The following CEP128 variants were observed in gnomAD, a reference collection of about 807,000 sequenced individuals.
CEP128 encodes centrosomal protein 128kDa.
In CEP128, 132 loss-of-function variants were observed where a neutral mutation model predicts 156.7. The observed-to-expected ratio is 0.84, with a 90% CI of 0.73 to 0.97. The LOEUF (loss-of-function observed/expected upper bound fraction) is 0.97. CEP128 is among the 50% of genes least tolerant of loss of function. CEP128 has a pLI of 0.00. For synonymous variants in CEP128, 469 were observed against 448.9 expected, an observed-to-expected ratio of 1.04 and a Z score of -0.57; for missense variants, 1,252 against 1,281.9, an observed-to-expected ratio of 0.98 and a Z score of 0.36.
intron 19 of CEP128, among the ~76,000 whole-genome samples, chr14:80,585,021 A>C (rs1891757950): frequency 6.6e-6 from 1 of 152,214 alleles, no homozygotes; most frequent in Non-Finnish European, 1.5e-5. Context: ...GCTTCCATCA[A>C]CATTAGTTAA....
At chr14:80,784,826 C>G in intron 15 of CEP128, 69 bp downstream of exon 15, 1 of 1,280,588 alleles carries the variant, frequency 7.8e-7, no homozygotes, top group South Asian at 1.4e-5. Context: ...TAAAAGTTTA[C>G]GCTTTATTAA....
chr14:80,529,696 GTTGT>G, intron 22 of CEP128, among the ~76,000 whole-genome samples: 1 of 152,276 alleles, frequency 6.6e-6, no homozygotes, highest in African/African-American at 2.4e-5. Flanking sequence ...ATCACACTGG[GTTGT>G]TTAAGAGTAA....
chr14:80,786,214 G>C (rs1901398161), intron 14 of CEP128, among the ~76,000 whole-genome samples: 1 of 152,116 alleles, frequency 6.6e-6, no homozygotes, highest in African/African-American at 2.4e-5. Context: ...TACATGGAAG[G>C]ACAGAGGCCA....
chr14:80,479,091 G>A (rs371413180), intron 14 of CEP128, among the ~76,000 whole-genome samples: 125 of 152,290 alleles, frequency 8.2e-4, no homozygotes, highest in African/African-American at 2.9e-3. Context: ...CTCTTTTAAG[G>A]CAGATGCAAT....
At chr14:80,877,973 C>T (rs1338690178) in intron 8 of CEP128, among the ~76,000 whole-genome samples, 5 of 152,076 alleles carry the variant, frequency 3.3e-5, no homozygotes, top group Admixed American at 2.0e-4. Context: ...TACCTCAGAC[C>T]TCCTACATAC....
chr14:80,885,137 T>C (rs1888735275), intron 8 of CEP128, among the ~76,000 whole-genome samples: 1 of 152,158 alleles, frequency 6.6e-6, no homozygotes. Context: ...CAGCGGCTTA[T>C]AGATAAAACT....
intron 19 of CEP128, among the ~76,000 whole-genome samples, chr14:80,644,623 C>G (rs577767013): frequency 6.6e-6 from 1 of 152,270 alleles, no homozygotes; most frequent in African/African-American, 2.4e-5. Flanking sequence ...TAATAACCAT[C>G]ATTAATATTA....
rs75581223 is a variant in CEP128, at chr14:80,883,701, A to C, written c.645+12017T>G. Among the ~76,000 whole-genome samples, 793 of 152,262 alleles carry C rather than the reference A, an allele frequency of 5.2e-3. 11 individuals are homozygous for C. The highest frequency in any genetic ancestry group is 0.018 in the African/African-American group (767 of 41,544). On this transcript the variant is annotated intron_variant, in intron 8 of 24. Transcript: ENST00000555265. ...CTACAGATTCAATGCAATACCAATG[A>C]CATTCTTCACTGAAATAGAAAAAAA...
chr14:80,847,662 G>A (rs1194940765), intron 9 of CEP128, among the ~76,000 whole-genome samples: 1 of 152,126 alleles, frequency 6.6e-6, no homozygotes, highest in African/African-American at 2.4e-5. Context: ...TAGCAAAAAT[G>A]CCACCTCTCT....
At chr14:80,882,706 T>G (rs535469670) in intron 8 of CEP128, among the ~76,000 whole-genome samples, 4 of 152,264 alleles carry the variant, frequency 2.6e-5, no homozygotes, top group African/African-American at 9.6e-5. Context: ...AAAATGTACT[T>G]ATACACAACG....
intron 8 of CEP128, among the ~76,000 whole-genome samples, chr14:80,869,701 G>T (rs1887934646): frequency 6.6e-6 from 1 of 152,066 alleles, no homozygotes; most frequent in Non-Finnish European, 1.5e-5. Flanking sequence ...GGGTACATGG[G>T]CAGGTTTGTT....
At chr14:80,817,662 C>G (rs532311038) in intron 13 of CEP128, among the ~76,000 whole-genome samples, 2 of 152,138 alleles carry the variant, frequency 1.3e-5, no homozygotes, top group South Asian at 2.1e-4. Context: ...GCAGACGGAT[C>G]ACGAGGTCAG....
At chr14:80,919,348 C>G (rs535400597) in intron 2 of CEP128, among the ~76,000 whole-genome samples, 217 of 152,232 alleles carry the variant, frequency 1.4e-3, no homozygotes, top group African/African-American at 5.1e-3. Flanking sequence ...ATAGTACAGA[C>G]TAATAAACAT....
intron 14 of CEP128, 100 bp from the exon 15 acceptor site, chr14:80,785,645 GAA>G: frequency 1.3e-6 from 1 of 762,032 alleles, no homozygotes. Context: ...AACCCACAAG[GAA>G]AAAAAAAATT....
At chr14:80,822,694 G>A in intron 13 of CEP128, 1 of 821,664 alleles carries the variant, frequency 1.2e-6, no homozygotes, top group Non-Finnish European at 2.1e-6. Context: ...AAGGGAAAAA[G>A]GGAAAAGCTG....
At chr14:80,705,987 C>G (rs1897228717) in intron 19 of CEP128, among the ~76,000 whole-genome samples, 1 of 152,070 alleles carries the variant, frequency 6.6e-6, no homozygotes, top group Non-Finnish European at 1.5e-5. Flanking sequence ...GTACCACAAG[C>G]AGGTATATAT....
intron 19 of CEP128, among the ~76,000 whole-genome samples, chr14:80,660,908 T>A (rs1268250543): frequency 6.6e-6 from 1 of 152,172 alleles, no homozygotes; most frequent in Non-Finnish European, 1.5e-5. Flanking sequence ...TCCAAAAAAA[T>A]TCTACTCAAT....
intron 13 of CEP128, among the ~76,000 whole-genome samples, chr14:80,814,680 G>T (rs138884894): frequency 6.6e-6 from 1 of 152,066 alleles, no homozygotes; most frequent in Admixed American, 6.6e-5. Flanking sequence ...TCTTCTGGGC[G>T]TTGGTCTAAG....
intron 21 of CEP128, among the ~76,000 whole-genome samples, chr14:80,534,621 T>C (rs1389329160): frequency 1.3e-5 from 2 of 151,976 alleles, no homozygotes; most frequent in East Asian, 3.9e-4. Flanking sequence ...GTCAGGAGAT[T>C]GAGACCATCC....
Sources: allele counts gnomAD v4.1 joint callset (sites outside exome capture counted in the v4.1 genomes callset), GRCh38; gene constraint gnomAD v4.1.1; transcripts MANE v1.5; gene names NCBI Gene and HGNC (gene_info 2026-07-23, HGNC 2026-07-21).